Variants in TTN observed in about 807,000 individuals in gnomAD.
TTN encodes titin.
In TTN, 1,525 loss-of-function variants were observed where a neutral mutation model predicts 3,223.0. The observed-to-expected ratio is 0.47, with a 90% confidence interval of 0.45 to 0.49. TTN has a LOEUF of 0.49. Among genes scored for constraint, TTN ranks in the 20% least tolerant of loss-of-function variants. TTN has a pLI of 0.00. For missense variants in TTN, 40,786 were observed against 43,424.0 expected (o/e 0.94, Z 5.40); for synonymous variants, 14,094 against 15,161.0 (o/e 0.93, Z 5.17).
In TTN at chr2:178,594,068, A is replaced by C; in HGVS notation, c.58325T>G (p.Leu19442Arg). 6.2e-7 allele frequency: 1 copy of C among 1,613,478 alleles called. No homozygotes were observed. The highest frequency in any genetic ancestry group is 8.5e-7 in the Non-Finnish European group (1 of 1,179,650). Residue 19442 changes from leucine (L) to arginine (R), a missense_variant, in exon 297 of 363, where the codon CTT (leucine) becomes CGT (arginine). Coordinates refer to ENST00000589042, the MANE Select transcript of TTN (RefSeq NM_001267550.2). ...RTHIKTTPAT[L>R]ALEKIKAKRS... Reference sequence around the variant, plus strand: ...TTTGGCCTTGATCTTCTCTAAAGCAAGTGTTGCTGGTGTAGTCTTTATATG... The same window carrying C: ...TTTGGCCTTGATCTTCTCTAAAGCACGTGTTGCTGGTGTAGTCTTTATATG...
In TTN at chr2:178,573,774, G is replaced by C. The variant is rs372309164; in HGVS notation, c.72358C>G (p.Leu24120Val). 6 of 1,607,296 alleles carry C rather than the reference G, an allele frequency of 3.7e-6. No individual in the cohort carries two copies. Among genetic ancestry groups the C allele is most frequent in the African/African-American group, 2.7e-5 (2 of 74,702 alleles). Residue 24120 changes from leucine to valine, a missense_variant, in exon 326 of 363, where the codon CTT (leucine) becomes GTT (valine). Transcript: ENST00000589042. ...CCTTCAGGTGGGCCTGGTCTGTCAA[G>C]AACTTTGACATTGAAAATGTGTTTA... The part of the protein sequence containing the change: ...FAKHIFNVKV[L>V]DRPGPPEGPL...
intron 72 of TTN, 37 bp from the exon 73 acceptor site, chr2:178,724,180 A>G (rs2078935988): frequency 3.1e-6 from 5 of 1,587,488 alleles, no homozygotes; most frequent in Non-Finnish European, 4.3e-6. Flanking sequence ...TCATGATTTG[A>G]AAGAATAGAA....
Position 178,738,310 on chromosome 2 carries a change from G to A in TTN, c.14143C>T (p.His4715Tyr), listed in dbSNP as rs376855980. The change falls in exon 49 of 363, where the codon CAC becomes TAC. Residue 4715 changes from histidine to tyrosine, a missense_variant. Physicochemically the swap from His to Tyr is moderately conservative, Grantham distance 83. Transcript: ENST00000589042. ...ATCTCACAGGTGAATTTGGCTAGGT[G>A]GCCCAGTGCTACTTCCAGGGGTTCG... ...KIEPLEVALGHLAKFTCEIQS... is the reference protein window; with the variant it reads ...KIEPLEVALGYLAKFTCEIQS... 6.2e-7 allele frequency: 1 copy of A among 1,613,492 alleles called. No individual in the cohort carries two copies. The highest frequency in any genetic ancestry group is 8.5e-7 in the Non-Finnish European group (1 of 1,179,676).
In TTN at chr2:178,714,806, A is replaced by C. The variant is rs542565910; in HGVS notation, c.26200+180T>G. Among the ~76,000 whole-genome samples the C allele has an allele frequency of 1.2e-4, 18 of 152,268 alleles. No homozygotes were observed. The South Asian group carries it at 3.7e-3, about 32-fold the overall frequency. On this transcript the variant is annotated intron_variant, in intron 90 of 362. Coordinates refer to ENST00000589042, the MANE Select transcript of TTN (RefSeq NM_001267550.2). ...CAAAACCTAATTACAACATTATCTA[A>C]AAGGATATTCAGTAGGATTTGGAAA... is the stretch of plus-strand genomic sequence containing the variant.
chr2:178,543,634 T>A lies in TTN; in HGVS notation c.96339A>T (p.Lys32113Asn), dbSNP rs1224317674. 6.3e-7 allele frequency: 1 copy of A among 1,599,378 alleles called. No individual in the cohort carries two copies. Among genetic ancestry groups the A allele is most frequent in the East Asian group, 2.2e-5 (1 of 44,698 alleles). ...YDTPGPCPSV[K>N]VKEVSRDSVT... ...CAGAATCTCTTGATACTTCCTTAAC[T>A]TTCACTGAAGGACAGGGACCAGGAG... Residue 32113 changes from lysine to asparagine, a missense_variant, in exon 347 of 363, where the codon AAA becomes AAT. Coordinates refer to ENST00000589042, the MANE Select transcript of TTN (RefSeq NM_001267550.2).
chr2:178,748,781 T>C, intron 47 of TTN: 4 of 1,612,440 alleles, frequency 2.5e-6, no homozygotes, highest in East Asian at 2.2e-5. Flanking sequence ...AAATTCTTTA[T>C]GAGTTTGAGA....
At chr2:178,716,334 C>T (rs999991563) in intron 88 of TTN, among the ~76,000 whole-genome samples, 1 of 152,004 alleles carries the variant, frequency 6.6e-6, no homozygotes, top group Non-Finnish European at 1.5e-5. Context: ...TAATGATTTC[C>T]TCATTAACTG....
At position 178,770,600 on chromosome 2, in the gene TTN, G is replaced by A; in HGVS notation, c.8192C>T (p.Thr2731Ile). The change falls in exon 35 of 363, where the codon ACA (threonine) becomes ATA (isoleucine). Residue 2731 changes from threonine to isoleucine, a missense_variant. Coordinates refer to ENST00000589042, the MANE Select transcript of TTN (RefSeq NM_001267550.2). ...TQDAVFTVEL[T>I]HPNVKGVQWI... ...CTGGACACCTTTGACATTAGGGTGT[G>A]TAAGCTCGACAGTGAAAACAGCATC... 1 of 1,614,130 alleles carries A rather than the reference G, an allele frequency of 6.2e-7. No individual in the cohort carries two copies. The highest frequency in any genetic ancestry group is 8.5e-7 in the Non-Finnish European group (1 of 1,180,006).
Position 178,636,650 on chromosome 2 carries a change from T to C in TTN, c.41077A>G (p.Ile13693Val). Reference sequence around the variant, plus strand: ...CCAACGAACTCTGATTCTGTCAAGATGATGTCTTTGATTTCTTTCACAAAC... The same window carrying C: ...CCAACGAACTCTGATTCTGTCAAGACGATGTCTTTGATTTCTTTCACAAAC... Reference protein sequence around the residue: ...LKFVKEIKDIILTESEFVGSS... With the variant: ...LKFVKEIKDIVLTESEFVGSS... The change falls in exon 225 of 363, where the codon ATC becomes GTC. Residue 13693 changes from isoleucine to valine, a missense_variant. By Grantham distance (29) the Ile-to-Val change is conservative (BLOSUM62 3). Coordinates refer to ENST00000589042, the MANE Select transcript of TTN (RefSeq NM_001267550.2). This position sits in a 1 kb window ranked among gnomAD's most constrained non-coding sequence, Gnocchi z 4.3. The C allele has an allele frequency of 2.5e-6, 4 of 1,613,344 alleles. No individual in the cohort carries two copies. The highest frequency in any genetic ancestry group is 3.4e-6 in the Non-Finnish European group (4 of 1,179,550).
intron 121 of TTN, among the ~76,000 whole-genome samples, chr2:178,691,528 C>G (rs1305204003): frequency 6.6e-6 from 1 of 152,196 alleles, no homozygotes; most frequent in Non-Finnish European, 1.5e-5. Context: ...CTATTGAAGA[C>G]TCGCCACTAT....
chr2:178,587,886 G>T lies in TTN; in HGVS notation c.63508+13C>A. 1 of 1,578,402 alleles carries T rather than the reference G, an allele frequency of 6.3e-7. No individual in the cohort carries two copies. Among genetic ancestry groups the T allele is most frequent in the South Asian group, 1.2e-5 (1 of 85,080 alleles). Reference sequence around the variant, plus strand: ...TAAGTGTGAATGAATCACATGCTAAGGGAAGGACTTACCTAGTATTTCTTT... The same window carrying T: ...TAAGTGTGAATGAATCACATGCTAATGGAAGGACTTACCTAGTATTTCTTT... On this transcript the variant is annotated intron_variant, in intron 305 of 362. Transcript: ENST00000589042.
chr2:178,582,319 G>A lies in TTN; in HGVS notation c.66137C>T (p.Pro22046Leu). Residue 22046 changes from proline (P) to leucine (L), a missense_variant, in exon 314 of 363, where the codon CCA (proline) becomes CTA (leucine). By Grantham distance (98) the Pro-to-Leu change is moderately conservative. Coordinates refer to ENST00000589042, the MANE Select transcript of TTN (RefSeq NM_001267550.2). ...YGVGDPVFTE[P>L]AIAKNPYDPP... is the part of the protein sequence containing the mutation. ...ACCATATGGGTTTTTGGCAATTGCT[G>A]GTTCAGTGAAGACTGGATCGCCTAC... The A allele has an allele frequency of 6.3e-7, 1 of 1,588,546 alleles. No individual in the cohort carries two copies. The highest frequency in any genetic ancestry group is 8.5e-7 in the Non-Finnish European group (1 of 1,169,986).
intron 22 of TTN, 186 bp downstream of exon 22, chr2:178,779,814 T>C: frequency 1.6e-6 from 1 of 617,916 alleles, no homozygotes; most frequent in Non-Finnish European, 2.8e-6. Context: ...GGCCTATATG[T>C]AATCTCTATT....
chr2:178,664,959 T>G, intron 165 of TTN, 33 bp from the exon 166 acceptor site: 1 of 1,573,538 alleles, frequency 6.4e-7, no homozygotes, highest in Non-Finnish European at 8.6e-7. Flanking sequence ...CATTTAAGAG[T>G]TAAAATGATT....
rs566816279 is a variant in TTN at position 178,770,419 on chromosome 2, G to T, written c.8373C>A (p.His2791Gln). The T allele has an allele frequency of 3.1e-6, 5 of 1,614,088 alleles. No individual in the cohort carries two copies. The highest frequency in any genetic ancestry group is 4.2e-6 in the Non-Finnish European group (5 of 1,180,014). The change falls in exon 35 of 363, where the codon CAC becomes CAA. Residue 2791 changes from histidine to glutamine, a missense_variant. His to Gln is a conservative substitution (Grantham distance 24). Coordinates refer to ENST00000589042, the MANE Select transcript of TTN (RefSeq NM_001267550.2). ...LGRLGASARL[H>Q]VETVKIIKKP... is the part of the protein sequence containing the mutation. ...GTTTCTAAATCAACTTACTCTCCAC[G>T]TGCAGTCTGGCACTGGCTCCAAGCC...
chr2:178,682,739 G>A lies in TTN; in HGVS notation c.33052C>T (p.Arg11018Trp), dbSNP rs372118864. The change falls in exon 135 of 363, where the codon CGG becomes TGG. Residue 11018 changes from arginine (R) to tryptophan (W), a missense_variant. Physicochemically the swap from Arg to Trp is moderately radical, Grantham distance 101 (BLOSUM62 -3). Coordinates refer to ENST00000589042, the MANE Select transcript of TTN (RefSeq NM_001267550.2). The part of the protein sequence containing the change: ...EYDQYEEYEE[R>W]EYERYEEHEE... ...TGCTCTTCATATCGTTCATACTCCC[G>A]CTCCTCGTATTCTTCATATTGGTCA... 30 of 1,612,410 alleles carry A rather than the reference G, an allele frequency of 1.9e-5. No homozygotes were observed. The highest frequency in any genetic ancestry group is 6.7e-5 in the East Asian group (3 of 44,832).
At chr2:178,769,049 C>A in intron 37 of TTN, 116 bp from the exon 38 acceptor site, 3 of 1,181,792 alleles carry the variant, frequency 2.5e-6, no homozygotes, top group Non-Finnish European at 3.6e-6. Flanking sequence ...GAGGAGATTA[C>A]AGTTTAGAGA....
At position 178,576,844 on chromosome 2, in the gene TTN, C is replaced by G. The variant is rs2046546709; in HGVS notation, c.69413-13G>C. Reference sequence around the variant, plus strand: ...GGGCCAGGGGGACCTGAAAAGGAAGCAAATTTATTAGAAATCCATGATTTC... The same window carrying G: ...GGGCCAGGGGGACCTGAAAAGGAAGGAAATTTATTAGAAATCCATGATTTC... On this transcript the variant is annotated splice_polypyrimidine_tract_variant and intron_variant, in intron 324 of 362. Coordinates refer to ENST00000589042, the MANE Select transcript of TTN (RefSeq NM_001267550.2). This position sits in a 1 kb window ranked among gnomAD's most constrained non-coding sequence, Gnocchi z 4.3. 5 of 1,601,626 alleles carry G rather than the reference C, an allele frequency of 3.1e-6. No individual in the cohort carries two copies. Among genetic ancestry groups the G allele is most frequent in the Non-Finnish European group, 3.4e-6 (4 of 1,176,748 alleles).
chr2:178,547,639 T>A lies in TTN; in HGVS notation c.93987A>T (p.Ser31329=), dbSNP rs1319862338. 5 of 1,613,880 alleles carry A rather than the reference T, an allele frequency of 3.1e-6. No individual in the cohort carries two copies. In the South Asian group the frequency reaches 5.5e-5, roughly 18 times the overall value. ...SSVSAESCVL[S]WGEPKDGGGT... ...CTCCTCCATCTTTAGGTTCTCCCCA[T>A]GACAGGACACACGATTCAGCTGAGA... The change falls in exon 339 of 363, where the codon TCA becomes TCT. Residue 31329 remains serine (S), a synonymous_variant. Transcript: ENST00000589042.
Sources: allele counts gnomAD v4.1 joint callset (sites outside exome capture counted in the v4.1 genomes callset), GRCh38; gene constraint gnomAD v4.1.1; non-coding constraint Gnocchi (gnomAD v3.1); transcripts MANE v1.5; gene names NCBI Gene and HGNC (gene_info 2026-07-23, HGNC 2026-07-21).